DHX33: variants seen among roughly 807,000 people sequenced by gnomAD.
DHX33 encodes the protein ATP-dependent RNA helicase DHX33.
Under a neutral mutation model 72.5 loss-of-function variants are expected in DHX33, and 42 were observed. That is an observed-to-expected ratio of 0.58 (90% CI 0.45 to 0.75). The LOEUF (loss-of-function observed/expected upper bound fraction) is 0.75. DHX33 is among the 30% of genes least tolerant of loss of function. The pLI is 0.00. For synonymous variants in DHX33, 358 were observed against 366.1 expected (o/e 0.98, Z 0.25); for missense variants, 842 against 917.5 (o/e 0.92, Z 1.06).
chr17:5,468,640 G>A lies in DHX33; in HGVS notation c.220C>T (p.Leu74=), dbSNP rs1306617464. ...TGCCCCCGCGCTTGGAAGATGGGCAGACTCCGGCGCTGCAGCTCCACAGCT... is the reference window on the plus strand; with the variant it reads ...TGCCCCCGCGCTTGGAAGATGGGCAAACTCCGGCGCTGCAGCTCCACAGCT... ...PEAVELQRRS[L]PIFQARGQLL... is the part of the protein sequence containing the mutation. Residue 74 remains leucine, a synonymous_variant, in exon 1 of 12, where the codon CTG becomes TTG. Transcript: ENST00000225296. The A allele has an allele frequency of 6.2e-7, 1 of 1,612,380 alleles. No individual in the cohort carries two copies. Among genetic ancestry groups the A allele is most frequent in the South Asian group, 1.1e-5 (1 of 90,908 alleles).
At chr17:5,445,236 GC>G (rs1206077156) in intron 11 of DHX33, among the ~76,000 whole-genome samples, 1 of 152,064 alleles carries the variant, frequency 6.6e-6, no homozygotes, top group Non-Finnish European at 1.5e-5. Flanking sequence ...CTGCCACCAC[GC>G]CTGGCTAATT....
chr17:5,463,432 T>C (rs1033103124), intron 2 of DHX33, 97 bp downstream of exon 2: 13 of 1,286,448 alleles, frequency 1.0e-5, no homozygotes, highest in African/African-American at 7.5e-5. Context: ...CAGCTCACTA[T>C]GTAAAAGGAG....
chr17:5,450,465 T>C, intron 9 of DHX33, 59 bp from the exon 10 acceptor site: 11 of 1,556,060 alleles, frequency 7.1e-6, no homozygotes, highest in South Asian at 3.4e-5. Context: ...TAGAATGCAC[T>C]ATTTCTGTAC....
chr17:5,468,133 C>A (rs1312775290), intron 1 of DHX33, among the ~76,000 whole-genome samples: 1 of 152,182 alleles, frequency 6.6e-6, no homozygotes, highest in Non-Finnish European at 1.5e-5. Flanking sequence ...CCCTGCCCCA[C>A]AACTCTGCCT....
In DHX33 at chr17:5,459,084, C is replaced by A. The variant is rs540309938; in HGVS notation, c.849+1855G>T. ...GTGTACTGGTGTGTGCCTGTAGTTC[C>A]AGCTACTCAGGAGGCAAAGGTAGGA... On this transcript the variant is annotated intron_variant, in intron 4 of 11. Transcript: ENST00000225296. 3.9e-5 allele frequency among the ~76,000 whole-genome samples: 6 copies of A among 152,112 alleles called. No individual in the cohort carries two copies. In the South Asian group the frequency reaches 1.2e-3, roughly 32 times the overall value.
intron 4 of DHX33, among the ~76,000 whole-genome samples, chr17:5,457,542 G>A (rs1037360326): frequency 4.7e-5 from 7 of 148,866 alleles, no homozygotes; most frequent in Non-Finnish European, 1.0e-4. Context: ...GGGAGGTAGA[G>A]GTTGCAGTGA....
chr17:5,460,245 A>G (rs1410414115), intron 4 of DHX33, among the ~76,000 whole-genome samples: 2 of 150,046 alleles, frequency 1.3e-5, no homozygotes, highest in Non-Finnish European at 3.0e-5. Context: ...CGATCTCCTG[A>G]CTTCATGATC....
Position 5,444,579 on chromosome 17 carries a change from C to T in DHX33, c.1816-66G>A, listed in dbSNP as rs140968609. The T allele has an allele frequency of 1.8e-4, 276 of 1,514,010 alleles. 1 individual carries two copies. In the African/African-American group the frequency reaches 2.6e-3, roughly 14 times the overall value. 93.8% of individuals were successfully genotyped at this position (1,514,010 alleles called of 1,614,324 possible). On this transcript the variant is annotated intron_variant, in intron 11 of 11. Coordinates refer to ENST00000225296, the MANE Select transcript of DHX33 (RefSeq NM_020162.4). The surrounding 1 kb of genome is among the most constrained non-coding windows in gnomAD (Gnocchi z 4.9). ...GTAAACACTGGTCAGCACTACACAG[C>T]GTGTTGGGGCAACTGGACCCACTGG...
At chr17:5,454,237 G>T (rs905907525) in intron 6 of DHX33, among the ~76,000 whole-genome samples, 1 of 152,196 alleles carries the variant, frequency 6.6e-6, no homozygotes, top group African/African-American at 2.4e-5. Flanking sequence ...CAAGGGGCGA[G>T]AAGAGTAGTT....
rs1186355784 is a variant in DHX33, at chr17:5,441,189, T to C, written c.*3016A>G. The C allele has an allele frequency of 6.6e-6, 1 of 152,204 alleles. No individual in the cohort carries two copies. The highest frequency in any genetic ancestry group is 1.5e-5 in the Non-Finnish European group (1 of 68,038). 9.4% of individuals were successfully genotyped at this position (152,204 alleles called of 1,614,324 possible). A position where few individuals can be genotyped will look rare whatever the true frequency, so the allele number is the denominator to read the frequency against. ...CTGGTAGCTGGATTTAGTGGATTTATATATGACAGTACAGTACATCATCAG... is the reference window on the plus strand; with the variant it reads ...CTGGTAGCTGGATTTAGTGGATTTACATATGACAGTACAGTACATCATCAG... On this transcript the variant is annotated 3_prime_UTR_variant, in exon 12 of 12. Transcript: ENST00000225296.
chr17:5,448,986 G>C, intron 10 of DHX33, 91 bp from the exon 11 acceptor site: 1 of 947,812 alleles, frequency 1.1e-6, no homozygotes, highest in South Asian at 1.6e-5. Flanking sequence ...CTAGGCTGGA[G>C]TGCAGTGATA....
At position 5,453,683 on chromosome 17, in the gene DHX33, A is replaced by C. The variant is rs764847965; in HGVS notation, c.1308-15T>G. 6.2e-7 allele frequency: 1 copy of C among 1,614,038 alleles called. No individual in the cohort carries two copies. Among genetic ancestry groups the C allele is most frequent in the Non-Finnish European group, 8.5e-7 (1 of 1,179,894 alleles). On this transcript the variant is annotated splice_polypyrimidine_tract_variant and intron_variant, in intron 7 of 11. Coordinates refer to ENST00000225296, the MANE Select transcript of DHX33 (RefSeq NM_020162.4). ...CCAGGTTACACCTGTGAAGAGCATG[A>C]GACCAGGGTCATGACCTGATCCCTC...
rs973876277 is a variant in DHX33 at position 5,452,539 on chromosome 17, C to CAAAACA, written c.1396+1035_1396+1040dup. On this transcript the variant is annotated intron_variant, in intron 8 of 11. Transcript: ENST00000225296. ...TGGGCAACAGAGTGAGACCCTGTCT[C>CAAAACA]AAAACAAAAACAAAAACAAAAACAT... Among the ~76,000 whole-genome samples the CAAAACA allele has an allele frequency of 3.3e-5, 5 of 151,412 alleles. No homozygotes were observed. The South Asian group carries it at 6.3e-4, about 19-fold the overall frequency.
At chr17:5,458,940 G>A (rs1904455763) in intron 4 of DHX33, among the ~76,000 whole-genome samples, 1 of 152,132 alleles carries the variant, frequency 6.6e-6, no homozygotes, top group Non-Finnish European at 1.5e-5. Flanking sequence ...TCTCACATCT[G>A]CAATCCCAGT....
chr17:5,441,540 T>C lies in DHX33; in HGVS notation c.*2665A>G, dbSNP rs1916437286. On this transcript the variant is annotated 3_prime_UTR_variant, in exon 12 of 12. Coordinates refer to ENST00000225296, the MANE Select transcript of DHX33 (RefSeq NM_020162.4). ...GCTGAAGATTATATTGCAATGTTAT[T>C]GTGAAACATTTAACTTTCTTAAGTT... 1 of 152,364 alleles carries C rather than the reference T, an allele frequency of 6.6e-6. No homozygotes were observed. The highest frequency in any genetic ancestry group is 3.4e-3 in the Middle Eastern group (1 of 294). 9.4% of individuals were successfully genotyped at this position (152,364 alleles called of 1,614,324 possible). A position where few individuals can be genotyped will look rare whatever the true frequency, so the allele number is the denominator to read the frequency against.
intron 1 of DHX33, among the ~76,000 whole-genome samples, chr17:5,466,388 T>A (rs1047423613): frequency 1.3e-5 from 2 of 152,160 alleles, no homozygotes; most frequent in South Asian, 4.1e-4. Flanking sequence ...CATCCACACA[T>A]AACCCCATCC....
intron 4 of DHX33, among the ~76,000 whole-genome samples, chr17:5,459,631 G>A (rs1264661422): frequency 6.6e-6 from 1 of 151,958 alleles, no homozygotes; most frequent in East Asian, 1.9e-4. Context: ...GTCTTGCTAT[G>A]TTGCCCGGGC....
rs34034188 is a variant in DHX33 at position 5,460,966 on chromosome 17, C to A, written c.822G>T (p.Ala274=). 1.2e-6 allele frequency: 2 copies of A among 1,613,404 alleles called. No individual in the cohort carries two copies. Among genetic ancestry groups the A allele is most frequent in the Non-Finnish European group, 1.7e-6 (2 of 1,179,596 alleles). Residue 274 remains alanine, a synonymous_variant, in exon 4 of 12, where the codon GCG becomes GCT. Coordinates refer to ENST00000225296, the MANE Select transcript of DHX33 (RefSeq NM_020162.4). ...KQPQNDYLHA[A]LVSVFQIHQE... ...GGTGGATCTGGAAGACGGAGACAAG[C>A]GCGGCGTGCAGGTAATCATTCTGAG...
intron 2 of DHX33, 23 bp from the exon 3 acceptor site, chr17:5,462,569 C>G (rs1317581320): frequency 6.3e-7 from 1 of 1,586,858 alleles, no homozygotes. Flanking sequence ...ACAATTTATT[C>G]AGTCACCAAA....
Sources: gnomAD v4.1 joint callset for allele counts (sites outside exome capture counted in the v4.1 genomes callset) on GRCh38, gnomAD v4.1.1 for gene constraint, Gnocchi (gnomAD v3.1) non-coding constraint, MANE v1.5 for transcripts, NCBI Gene and HGNC (gene_info 2026-07-23, HGNC 2026-07-21) for gene names.